TOP2B: variants seen among roughly 807,000 people sequenced by gnomAD.
The protein encoded by TOP2B is DNA topoisomerase II beta.
Under a neutral mutation model 193.5 loss-of-function variants are expected in TOP2B, and 51 were observed. The ratio of observed to expected loss-of-function variants is 0.26; its 90% confidence interval spans 0.21 to 0.33. The LOEUF (loss-of-function observed/expected upper bound fraction) is 0.33. Among genes scored for constraint, TOP2B ranks in the 10% least tolerant of loss-of-function variants. TOP2B has a pLI of 1.00. For synonymous variants in TOP2B, 634 were observed against 635.7 expected (o/e 1.00, Z 0.04); for missense variants, 1,378 against 1,909.3 (o/e 0.72, Z 5.19).
chr3:25,632,034 A>G (rs1197593001), intron 10 of TOP2B, among the ~76,000 whole-genome samples: 2 of 152,078 alleles, frequency 1.3e-5, no homozygotes, highest in African/African-American at 4.8e-5. Flanking sequence ...AAGCAATTTA[A>G]GAACATGTAG....
intron 1 of TOP2B, among the ~76,000 whole-genome samples, chr3:25,651,702 A>G (rs1314906108): frequency 6.6e-6 from 1 of 152,032 alleles, no homozygotes; most frequent in Non-Finnish European, 1.5e-5. Context: ...CGCCATCTCT[A>G]CTAAAAATAC....
chr3:25,619,518 T>C (rs1702601467), intron 23 of TOP2B, among the ~76,000 whole-genome samples: 1 of 152,142 alleles, frequency 6.6e-6, no homozygotes, highest in African/African-American at 2.4e-5. Flanking sequence ...AGATTAGAGT[T>C]ATGAGTACTC....
intron 25 of TOP2B, among the ~76,000 whole-genome samples, chr3:25,617,081 G>T (rs759061805): frequency 2.0e-5 from 3 of 152,038 alleles, no homozygotes; most frequent in African/African-American, 7.2e-5. Context: ...AAAAAATTCT[G>T]ATGGTGGTAA....
intron 7 of TOP2B, among the ~76,000 whole-genome samples, chr3:25,634,948 C>A (rs1375890084): frequency 2.0e-5 from 3 of 152,010 alleles, no homozygotes; most frequent in Admixed American, 6.6e-5. Flanking sequence ...AAAGGTCAAA[C>A]CCCTGAGATA....
intron 32 of TOP2B, 48 bp downstream of exon 32, chr3:25,605,995 A>G: frequency 9.2e-7 from 1 of 1,085,664 alleles, no homozygotes; most frequent in African/African-American, 1.6e-5. Context: ...TCTCTCCACC[A>G]CTAAAAGCAA....
intron 27 of TOP2B, among the ~76,000 whole-genome samples, chr3:25,613,953 T>C (rs1436669772): frequency 6.6e-6 from 1 of 152,202 alleles, no homozygotes. Context: ...TTTGAAGTTG[T>C]GGTGAGGGTC....
At chr3:25,615,137 T>C in intron 27 of TOP2B, 68 bp downstream of exon 27, 1 of 1,405,214 alleles carries the variant, frequency 7.1e-7, no homozygotes, top group Non-Finnish European at 9.9e-7. Context: ...TAAGATCACT[T>C]AAAAGAATTT....
chr3:25,632,494 G>C lies in TOP2B; in HGVS notation c.1218C>G (p.Pro406=). The change falls in exon 10 of 36, where the codon CCC becomes CCG. Residue 406 remains proline (P), a synonymous_variant. Transcript: ENST00000264331. ...GCTGGCATTTAGACCCAAAACTTTT[G>C]GGCTGCAGAGTCATGTTTTCCTTAG... ...SQTKENMTLQ[P]KSFGSKCQLS... 1.3e-6 allele frequency: 2 copies of C among 1,583,358 alleles called. No homozygotes were observed. Among genetic ancestry groups the C allele is most frequent in the Non-Finnish European group, 1.7e-6 (2 of 1,166,438 alleles).
chr3:25,633,204 C>T (rs1268933693), intron 8 of TOP2B, among the ~76,000 whole-genome samples: 3 of 152,114 alleles, frequency 2.0e-5, no homozygotes, highest in Admixed American at 6.6e-5. Flanking sequence ...TCCTAGGCCT[C>T]CTGTACTTCT....
intron 19 of TOP2B, 66 bp downstream of exon 19, chr3:25,624,616 A>G: frequency 4.4e-6 from 7 of 1,585,966 alleles, no homozygotes. Flanking sequence ...GAAAAATACT[A>G]TGTGTAATTA....
At position 25,623,556 on chromosome 3, in the gene TOP2B, T is replaced by C. The variant is rs1443919019; in HGVS notation, c.2686A>G (p.Asn896Asp). The change falls in exon 21 of 36, where the codon AAT becomes GAT. Residue 896 changes from asparagine to aspartate, a missense_variant. Physicochemically the swap from Asn to Asp is conservative, Grantham distance 23 (BLOSUM62 1). This residue lies in a region of TOP2B where 379 missense variants were observed against 615.1 expected (regional missense o/e 0.62). Transcript: ENST00000264331. ...AGGCCATCTAGCATTCGTCTGACAT[T>C]GTTCACAATTTCCCTAGCATCATAG... Reference protein sequence around the residue: ...PNYDAREIVNNVRRMLDGLDP... With the variant: ...PNYDAREIVNDVRRMLDGLDP... 1.9e-6 allele frequency: 3 copies of C among 1,613,960 alleles called. No individual in the cohort carries two copies. Among genetic ancestry groups the C allele is most frequent in the South Asian group, 1.1e-5 (1 of 91,076 alleles).
chr3:25,606,125 AT>A lies in TOP2B; in HGVS notation c.4299-4del. 7.0e-7 allele frequency: 1 copy of A among 1,438,590 alleles called. No individual in the cohort carries two copies. The highest frequency in any genetic ancestry group is 9.4e-7 in the Non-Finnish European group (1 of 1,060,860). 89.1% of individuals were successfully genotyped at this position (1,438,590 alleles called of 1,614,324 possible). On this transcript the variant is annotated splice_region_variant and splice_polypyrimidine_tract_variant and intron_variant, in intron 31 of 35. Transcript: ENST00000264331. ...TTTTTTTGTCATGCAAAGATTTTCT[AT>A]TAGAAAGAAAATAAACACCACAGAG...
chr3:25,655,177 G>A (rs2125407166), intron 1 of TOP2B, among the ~76,000 whole-genome samples: 1 of 152,234 alleles, frequency 6.6e-6, no homozygotes, highest in Admixed American at 6.5e-5. Flanking sequence ...AAATAGATAA[G>A]GAGCTTCTAT....
chr3:25,626,914 T>G, intron 16 of TOP2B, 50 bp from the exon 17 acceptor site: 1 of 1,137,526 alleles, frequency 8.8e-7, no homozygotes, highest in Non-Finnish European at 1.3e-6. Flanking sequence ...AAATAAATTT[T>G]ATTACAAAAT....
chr3:25,611,374 A>G (rs1702365349), intron 28 of TOP2B, among the ~76,000 whole-genome samples: 1 of 152,182 alleles, frequency 6.6e-6, no homozygotes, highest in Admixed American at 6.5e-5. Context: ...AGAACAGAAG[A>G]GAAAGGCTAC....
chr3:25,663,727 G>A (rs1483527142), intron 1 of TOP2B, among the ~76,000 whole-genome samples: 1 of 152,152 alleles, frequency 6.6e-6, no homozygotes, highest in African/African-American at 2.4e-5. Context: ...TTTCCAAATT[G>A]AAGTGCAAGT....
chr3:25,600,312 C>T (rs1034707792), intron 34 of TOP2B, among the ~76,000 whole-genome samples: 5 of 152,250 alleles, frequency 3.3e-5, no homozygotes, highest in East Asian at 3.9e-4. Context: ...TGGACAAGTA[C>T]GAAGATAGAC....
At chr3:25,599,330 C>T (rs2125338526) in intron 35 of TOP2B, 105 bp downstream of exon 35, 1 of 943,130 alleles carries the variant, frequency 1.1e-6, no homozygotes, top group East Asian at 2.6e-5. Context: ...ATACGAGATG[C>T]TAGGTGGAAA....
Position 25,626,601 on chromosome 3 carries a change from G to T in TOP2B, c.2183C>A (p.Ser728Ter). Residue 728 changes from serine to a stop codon, truncating the protein, a stop_gained, in exon 18 of 36, where the codon TCA becomes TAA. Coordinates refer to ENST00000264331, the MANE Select transcript of TOP2B (RefSeq NM_001330700.2). LOFTEE classifies it high-confidence loss of function. ...DFINKELILF[S>*]NSDNERSIPS... is the part of the protein sequence containing the mutation. Reference sequence around the variant, plus strand: ...TATAGATCTTTCATTGTCTGAGTTTGAGAAGAGAATCAATTCCTTGTTGAT... The same window carrying T: ...TATAGATCTTTCATTGTCTGAGTTTTAGAAGAGAATCAATTCCTTGTTGAT... 6.5e-7 allele frequency: 1 copy of T among 1,535,260 alleles called. No homozygotes were observed. Among genetic ancestry groups the T allele is most frequent in the Non-Finnish European group, 8.7e-7 (1 of 1,143,690 alleles).
Sources: allele counts gnomAD v4.1 joint callset (sites outside exome capture counted in the v4.1 genomes callset), GRCh38; gene constraint gnomAD v4.1.1; regional missense constraint gnomAD v4.1.1; transcripts MANE v1.5; gene names NCBI Gene and HGNC (gene_info 2026-07-23, HGNC 2026-07-21).